The following ANXA3 variants were observed in gnomAD, a reference collection of about 807,000 sequenced individuals.
The protein encoded by ANXA3 is 35-alpha calcimedin.
A neutral mutation model predicts 48.8 loss-of-function variants in ANXA3; 46 were observed. The ratio of observed to expected loss-of-function variants is 0.94; its 90% CI spans 0.74 to 1.21. The LOEUF is 1.21. ANXA3 is among the 50% of genes most tolerant of loss of function. The pLI is 0.00. For missense variants in ANXA3, 383 were observed against 378.6 expected (o/e 1.01, Z -0.10); for synonymous variants, 128 against 134.7 (o/e 0.95, Z 0.35).
At chr4:78,552,434 G>A (rs534391125) in intron 1 of ANXA3, 3 of 152,138 alleles carry the variant, frequency 2.0e-5, no homozygotes, top group Non-Finnish European at 2.9e-5. Context: ...TGCATATTGA[G>A]GGTTGGAAGT....
In ANXA3 at chr4:78,597,358, TG is replaced by T; in HGVS notation, c.676del (p.Asp226ThrfsTer3). On this transcript the variant is annotated frameshift_variant, in exon 10 of 13. Transcript: ENST00000264908. LOFTEE classifies it high-confidence loss of function. ...EYRNISQKDI[V>X]DSIKGELSGH... ...AGAAATATCAGCCAAAAGGACATTG[TG>T]GACAGCATAAAAGGAGAATTATCTG... 6.2e-7 allele frequency: 1 copy of T among 1,611,318 alleles called. No individual in the cohort carries two copies. Among genetic ancestry groups the T allele is most frequent in the Non-Finnish European group, 8.5e-7 (1 of 1,179,122 alleles).
chr4:78,591,646 T>G (rs10003947), intron 7 of ANXA3, 23 bp downstream of exon 7: 1 of 1,585,226 alleles, frequency 6.3e-7, no homozygotes, highest in African/African-American at 1.4e-5. Context: ...TTTTTATTTT[T>G]TAACTCCCCA....
In ANXA3 at chr4:78,583,613, G is replaced by GA. The variant is rs531781049; in HGVS notation, c.312+1338dup. Among the ~76,000 whole-genome samples the GA allele has an allele frequency of 8.4e-3, 938 of 112,144 alleles. 9 individuals are homozygous for GA. Among genetic ancestry groups the GA allele is most frequent in the East Asian group, 0.045 (175 of 3,912 alleles). The allele number at this position is 112,144 out of a possible 152,430, so 73.6% of individuals were successfully genotyped here. On this transcript the variant is annotated intron_variant, in intron 5 of 12. Coordinates refer to ENST00000264908, the MANE Select transcript of ANXA3 (RefSeq NM_005139.3). ...CACTCCAGCCTGGGATGCTGTCTCAGAAAAAAAAAAAAAAAGAAGAAGAAG... is the reference window on the plus strand; with the variant it reads ...CACTCCAGCCTGGGATGCTGTCTCAGAAAAAAAAAAAAAAAAGAAGAAGAAG...
chr4:78,558,576 C>T (rs10019438), intron 2 of ANXA3, among the ~76,000 whole-genome samples: 2,572 of 152,314 alleles, frequency 0.017, 86 homozygotes, highest in African/African-American at 0.058. Context: ...GTTGCAATTT[C>T]AATGCATTAC....
chr4:78,586,442 A>G, intron 6 of ANXA3, 92 bp downstream of exon 6: 2 of 886,996 alleles, frequency 2.3e-6, no homozygotes, highest in Non-Finnish European at 3.5e-6. Flanking sequence ...TTCATGAGGC[A>G]TTTTGAGAAG....
chr4:78,597,506 A>T (rs1417905061), intron 10 of ANXA3, 92 bp downstream of exon 10: 4 of 824,996 alleles, frequency 4.8e-6, no homozygotes, highest in Non-Finnish European at 7.8e-6. Flanking sequence ...ATCCTGACTG[A>T]TCCATTTTTT....
At chr4:78,574,231 A>G (rs1010444691) in intron 3 of ANXA3, among the ~76,000 whole-genome samples, 3 of 152,124 alleles carry the variant, frequency 2.0e-5, no homozygotes, top group Non-Finnish European at 4.4e-5. Flanking sequence ...CCAGCCTGGC[A>G]ATATAAGGAG....
At chr4:78,582,372 T>G in intron 5 of ANXA3, 82 bp downstream of exon 5, 1 of 895,822 alleles carries the variant, frequency 1.1e-6, no homozygotes, top group South Asian at 1.5e-5. Flanking sequence ...TGCACACTTG[T>G]GATGGGTGGA....
Position 78,591,544 on chromosome 4 carries a change from T to C in ANXA3, c.404T>C (p.Val135Ala). 1 of 1,606,670 alleles carries C rather than the reference T, an allele frequency of 6.2e-7. No individual in the cohort carries two copies. The change falls in exon 7 of 13, where the codon GTA becomes GCA. Residue 135 changes from valine to alanine, a missense_variant and splice_region_variant. Val to Ala is a moderately conservative substitution (Grantham distance 64). Transcript: ENST00000264908. ...MKDISQAYYT[V>A]YKKSLGDDIS... ...TAATTTCATTCTGATTTGGTTTCAG[T>C]ATACAAGAAGAGTCTTGGAGATGAC...
chr4:78,586,133 A>G, intron 5 of ANXA3, 127 bp from the exon 6 acceptor site: 2 of 539,560 alleles, frequency 3.7e-6, no homozygotes, highest in East Asian at 3.1e-5. Flanking sequence ...AACGAGAGCA[A>G]TAGAGAACCT....
rs1211490831 is a variant in ANXA3 at position 78,610,170 on chromosome 4, T to TA, written c.*56dup. 1 of 1,284,112 alleles carries TA rather than the reference T, an allele frequency of 7.8e-7. No individual in the cohort carries two copies. The highest frequency in any genetic ancestry group is 1.1e-6 in the Non-Finnish European group (1 of 895,254). The allele number at this position is 1,284,112 out of a possible 1,614,324, so 79.5% of individuals were successfully genotyped here. The stretch of plus-strand genomic sequence containing the variant: ...ATGGGCTTTCCCAACAGCTCCACCT[T>TA]ACTTCTTCTCATACTATTTAAGAGA... On this transcript the variant is annotated 3_prime_UTR_variant, in exon 13 of 13. Transcript: ENST00000264908.
Position 78,586,353 on chromosome 4 carries a change from G to A in ANXA3, c.403+3G>A, listed in dbSNP as rs369733441. Reference sequence around the variant, plus strand: ...TATCTCTCAAGCCTATTATACAGGTGTCTTATTTTCTGCTTACCTTCACCA... The same window carrying A: ...TATCTCTCAAGCCTATTATACAGGTATCTTATTTTCTGCTTACCTTCACCA... On this transcript the variant is annotated splice_donor_region_variant and intron_variant, in intron 6 of 12. Coordinates refer to ENST00000264908, the MANE Select transcript of ANXA3 (RefSeq NM_005139.3). The A allele has an allele frequency of 3.7e-6, 6 of 1,606,838 alleles. No homozygotes were observed. Among genetic ancestry groups the A allele is most frequent in the Non-Finnish European group, 4.3e-6 (5 of 1,175,442 alleles).
rs78797095 is a variant in ANXA3, at chr4:78,568,382, A to G, written c.16-4798A>G. 9.5e-4 allele frequency among the ~76,000 whole-genome samples: 144 copies of G among 152,292 alleles called. 1 individual carries two copies. Among genetic ancestry groups the G allele is most frequent in the African/African-American group, 3.3e-3 (137 of 41,558 alleles). On this transcript the variant is annotated intron_variant, in intron 2 of 12. Transcript: ENST00000264908. ...ACCCAACATAGCATCTTGACATTGA[A>G]CAGAGAGCCATCGTTTCTCCCCGGC...
intron 10 of ANXA3, among the ~76,000 whole-genome samples, chr4:78,600,936 A>AT (rs35689949): frequency 2.4e-4 from 35 of 148,652 alleles, no homozygotes; most frequent in Admixed American, 1.9e-3. Context: ...GAAGGATTGT[A>AT]TTTTTTTTTT....
intron 10 of ANXA3, among the ~76,000 whole-genome samples, chr4:78,598,292 CTTT>C (rs57940281): frequency 2.1e-5 from 3 of 143,606 alleles, no homozygotes; most frequent in Non-Finnish European, 4.6e-5. Flanking sequence ...TTCTTTCTTT[CTTT>C]TTTTTTTTTC....
intron 10 of ANXA3, among the ~76,000 whole-genome samples, chr4:78,600,503 G>A (rs549189709): frequency 1.3e-5 from 2 of 152,306 alleles, no homozygotes; most frequent in South Asian, 2.1e-4. Flanking sequence ...CTTACTTAAT[G>A]TGAGTTTTAC....
intron 2 of ANXA3, among the ~76,000 whole-genome samples, chr4:78,561,012 T>G (rs1546179): frequency 0.99 from 150,590 of 152,344 alleles, 74,437 homozygotes; most frequent in Middle Eastern, 1. Flanking sequence ...AGCTCTGATT[T>G]TTAGATGTAT....
chr4:78,564,517 C>T (rs1353223679), intron 2 of ANXA3, among the ~76,000 whole-genome samples: 1 of 152,212 alleles, frequency 6.6e-6, no homozygotes, highest in South Asian at 2.1e-4. Flanking sequence ...GAGCACTGGG[C>T]TCCCAGCTGG....
intron 2 of ANXA3, among the ~76,000 whole-genome samples, chr4:78,555,930 A>G (rs1485725277): frequency 6.6e-6 from 1 of 151,898 alleles, no homozygotes; most frequent in East Asian, 1.9e-4. Flanking sequence ...TACTTAAGAG[A>G]TTGGTGAAGG....
Sources: gnomAD v4.1 joint callset for allele counts (sites outside exome capture counted in the v4.1 genomes callset) on GRCh38, gnomAD v4.1.1 for gene constraint, MANE v1.5 for transcripts, NCBI Gene and HGNC (gene_info 2026-07-23, HGNC 2026-07-21) for gene names.